The following B3GALNT2 variants were observed in gnomAD, a reference collection of about 807,000 sequenced individuals.
B3GALNT2 encodes the protein UDP-GalNAc:beta-1,3-N-acetylgalactosaminyltransferase 2.
B3GALNT2 carries 53 observed loss-of-function variants against 61.1 expected under a neutral mutation model. The observed-to-expected ratio is 0.87, with a 90% confidence interval of 0.70 to 1.09. The LOEUF (loss-of-function observed/expected upper bound fraction) is 1.09, where lower values mean the gene tolerates loss of function less well. Ranked by LOEUF, B3GALNT2 falls within the 50% of genes least tolerant of loss-of-function variation. B3GALNT2 has a pLI of 0.00. For synonymous variants in B3GALNT2, 223 were observed against 237.4 expected (o/e 0.94, Z 0.56); for missense variants, 544 against 623.0 (o/e 0.87, Z 1.35).
intron 8 of B3GALNT2, among the ~76,000 whole-genome samples, chr1:235,456,719 C>T (rs370088088): frequency 3.9e-5 from 6 of 152,248 alleles, no homozygotes; most frequent in Non-Finnish European, 7.4e-5. Context: ...CCAACAATAG[C>T]GGCAGCGGAG....
downstream of B3GALNT2, among the ~76,000 whole-genome samples, chr1:235,442,666 G>A (rs114224265): frequency 6.9e-3 from 1,052 of 152,238 alleles, 12 homozygotes; most frequent in African/African-American, 0.024. Context: ...GGAAAGTATT[G>A]TCCAGCTATT....
At chr1:235,483,422 G>A (rs905724976) in intron 4 of B3GALNT2, among the ~76,000 whole-genome samples, 26 of 152,072 alleles carry the variant, frequency 1.7e-4, no homozygotes, top group African/African-American at 3.6e-4. Context: ...CATGTAGCAC[G>A]CCCTGAATAA....
intron 10 of B3GALNT2, among the ~76,000 whole-genome samples, chr1:235,453,516 C>T (rs1024915708): frequency 2.6e-5 from 4 of 151,562 alleles, no homozygotes; most frequent in African/African-American, 7.3e-5. Flanking sequence ...CATGCAGTGG[C>T]GCAATCTCAG....
chr1:235,484,573 TAAG>T, intron 3 of B3GALNT2, 58 bp from the exon 4 acceptor site: 1 of 1,521,598 alleles, frequency 6.6e-7, no homozygotes, highest in South Asian at 1.3e-5. Flanking sequence ...GTTTTACTAG[TAAG>T]AAGTAGTGAA....
chr1:235,488,329 G>C (rs1017441901), intron 3 of B3GALNT2, among the ~76,000 whole-genome samples: 1 of 152,006 alleles, frequency 6.6e-6, no homozygotes, highest in Non-Finnish European at 1.5e-5. Context: ...AAAGTCTCCT[G>C]GATCCTAAAG....
the B3GALNT2 span, chr1:235,441,348 G>A: frequency 4.4e-6 from 1 of 227,864 alleles, no homozygotes. Flanking sequence ...ACGGTCTGGT[G>A]GAAACGTGAG....
intron 5 of B3GALNT2, chr1:235,479,784 A>G (rs291383): frequency 0.69 from 199,608 of 288,980 alleles, 70,078 homozygotes; most frequent in African/African-American, 0.84. Flanking sequence ...CATTAAAACA[A>G]TTGTGTAGTT....
chr1:235,489,629 T>C (rs1215734612), intron 2 of B3GALNT2, among the ~76,000 whole-genome samples: 1 of 152,192 alleles, frequency 6.6e-6, no homozygotes, highest in African/African-American at 2.4e-5. Context: ...CTTCTTCTAT[T>C]TCAGAAAGTG....
downstream of B3GALNT2, among the ~76,000 whole-genome samples, chr1:235,446,608 C>T (rs1682331394): frequency 6.6e-6 from 1 of 151,808 alleles, no homozygotes; most frequent in African/African-American, 2.4e-5. Context: ...AATGTTAAGA[C>T]AGTCATGTTA....
intron 6 of B3GALNT2, among the ~76,000 whole-genome samples, chr1:235,468,492 A>G (rs1279996071): frequency 7.9e-6 from 1 of 126,754 alleles, no homozygotes; most frequent in East Asian, 2.4e-4. Flanking sequence ...CTCGCACTGT[A>G]GCCAGGCTGG....
intron 4 of B3GALNT2, among the ~76,000 whole-genome samples, chr1:235,480,417 T>A (rs183645164): frequency 5.3e-4 from 80 of 151,810 alleles, no homozygotes; most frequent in Non-Finnish European, 1.0e-3. Flanking sequence ...AAAACCCACC[T>A]TGAAAGAAAA....
At chr1:235,503,032 A>G (rs956017105) in intron 1 of B3GALNT2, among the ~76,000 whole-genome samples, 7 of 152,274 alleles carry the variant, frequency 4.6e-5, no homozygotes, top group Non-Finnish European at 1.0e-4. Flanking sequence ...GTGATCTAAT[A>G]GGAAAAGAGA....
intron 1 of B3GALNT2, among the ~76,000 whole-genome samples, chr1:235,498,449 C>T (rs1685429834): frequency 6.6e-6 from 1 of 152,102 alleles, no homozygotes. Context: ...AATGAGACAC[C>T]AGTTTTCTCC....
chr1:235,485,425 T>G (rs1402210653), intron 3 of B3GALNT2, among the ~76,000 whole-genome samples: 1 of 152,186 alleles, frequency 6.6e-6, no homozygotes, highest in Non-Finnish European at 1.5e-5. Flanking sequence ...GGGATCCTCC[T>G]GCCTCAGCCT....
chr1:235,489,247 T>C lies in B3GALNT2; in HGVS notation c.282A>G (p.Ile94Met), dbSNP rs1684948601. 6.2e-7 allele frequency: 1 copy of C among 1,613,934 alleles called. No homozygotes were observed. The highest frequency in any genetic ancestry group is 8.5e-7 in the Non-Finnish European group (1 of 1,179,942). ...CAGGCACTTCACAGCCATGAGCACC[T>C]ATTATGAACTTCACAAGCACACTGA... ...LSQRVLVKFI[I>M]GAHGCEVPVE... The change falls in exon 3 of 12, where the codon ATA becomes ATG. Residue 94 changes from isoleucine to methionine, a missense_variant. Physicochemically the swap from Ile to Met is conservative, Grantham distance 10. Transcript: ENST00000366600.
intron 1 of B3GALNT2, 62 bp from the exon 2 acceptor site, chr1:235,494,890 G>A: frequency 7.4e-7 from 1 of 1,359,570 alleles, no homozygotes; most frequent in Non-Finnish European, 1.0e-6. Context: ...AGTTCAATAT[G>A]TATCATAAGT....
In B3GALNT2 at chr1:235,504,398, T is replaced by A; in HGVS notation, c.-146A>T. On this transcript the variant is annotated 5_prime_UTR_variant, in exon 1 of 12. Transcript: ENST00000366600. ...CGCTCGGCGACGTCTGGGGGGCTCCTCGCAGCTCCCGGCCCCGCTCCTCCG... is the reference window on the plus strand; with the variant it reads ...CGCTCGGCGACGTCTGGGGGGCTCCACGCAGCTCCCGGCCCCGCTCCTCCG... The A allele has an allele frequency of 5.9e-6, 5 of 848,184 alleles. No individual in the cohort carries two copies. Among genetic ancestry groups the A allele is most frequent in the Non-Finnish European group, 8.2e-6 (5 of 607,818 alleles). 52.5% of individuals were successfully genotyped at this position (848,184 alleles called of 1,614,324 possible). A position where few individuals can be genotyped will look rare whatever the true frequency, so the allele number is the denominator to read the frequency against.
intron 2 of B3GALNT2, among the ~76,000 whole-genome samples, chr1:235,491,269 T>G (rs1685054896): frequency 6.6e-6 from 1 of 152,198 alleles, no homozygotes. Flanking sequence ...TTTTGTTAAC[T>G]GCAACCATAA....
intron 5 of B3GALNT2, among the ~76,000 whole-genome samples, chr1:235,474,987 A>ATTTTTTTTTTT (rs1160445883): frequency 8.4e-5 from 3 of 35,572 alleles, no homozygotes; most frequent in Non-Finnish European, 1.5e-4. Context: ...ATATATATAT[A>ATTTTTTTTTTT]TTTTTTTTTT....
Sources: gnomAD v4.1 joint callset for allele counts (sites outside exome capture counted in the v4.1 genomes callset) on GRCh38, gnomAD v4.1.1 for gene constraint, MANE v1.5 for transcripts, NCBI Gene and HGNC (gene_info 2026-07-23, HGNC 2026-07-21) for gene names.